Variants in RGS3 observed in about 807,000 individuals in gnomAD.
The protein encoded by RGS3 is regulator of G-protein signalling 3.
RGS3 carries 80 observed loss-of-function variants against 132.6 expected under a neutral mutation model. The ratio of observed to expected loss-of-function variants is 0.60; its 90% CI spans 0.50 to 0.73. RGS3 has a LOEUF of 0.73. RGS3 is among the 30% of genes least tolerant of loss of function. The pLI, the probability that RGS3 is intolerant of heterozygous loss-of-function variation, is 0.00. For synonymous variants in RGS3, 598 were observed against 620.6 expected, an observed-to-expected ratio of 0.96 and a Z score of 0.54; for missense variants, 1,382 against 1,530.8, an observed-to-expected ratio of 0.90 and a Z score of 1.62.
At chr9:113,541,245 A>G in intron 19 of RGS3, 2 of 1,498,912 alleles carry the variant, frequency 1.3e-6, no homozygotes, top group Non-Finnish European at 9.1e-7. Flanking sequence ...AGAAAGGAAC[A>G]GAGGCAGGTC....
In RGS3 at chr9:113,463,958, G is replaced by T; in HGVS notation, c.415+1757G>T. The T allele has an allele frequency of 6.7e-7, 1 of 1,485,718 alleles. No homozygotes were observed. The highest frequency in any genetic ancestry group is 9.3e-7 in the Non-Finnish European group (1 of 1,080,442). The allele number at this position is 1,485,718 out of a possible 1,614,324, so 92.0% of individuals were successfully genotyped here. ...GCCCAGAAACGCAGCCCCTCGTGGT[G>T]ACAGGGGAGGCTGGGAGCAGGTGCT... is the stretch of plus-strand genomic sequence containing the variant. On this transcript the variant is annotated intron_variant, in intron 3 of 24. Transcript: ENST00000350696. This position sits in a 1 kb window ranked among gnomAD's most constrained non-coding sequence, Gnocchi z 4.6.
intron 17 of RGS3, among the ~76,000 whole-genome samples, chr9:113,524,617 G>A (rs1277225948): frequency 6.6e-6 from 1 of 152,212 alleles, no homozygotes; most frequent in Non-Finnish European, 1.5e-5. Context: ...TGGGATCTGG[G>A]CGTGGTACTG....
intron 1 of RGS3, among the ~76,000 whole-genome samples, chr9:113,460,877 C>T (rs1829454838): frequency 1.3e-5 from 2 of 152,152 alleles, no homozygotes; most frequent in South Asian, 4.1e-4. Flanking sequence ...CCTTATTATT[C>T]CAGATATAGT....
chr9:113,449,676 G>T (rs1829195474), intron 1 of RGS3, among the ~76,000 whole-genome samples: 1 of 152,188 alleles, frequency 6.6e-6, no homozygotes, highest in African/African-American at 2.4e-5. Flanking sequence ...GGTTATTCAT[G>T]ATTTATGTCT....
intron 10 of RGS3, among the ~76,000 whole-genome samples, chr9:113,501,058 G>A (rs1265950081): frequency 6.6e-6 from 1 of 152,168 alleles, no homozygotes; most frequent in Non-Finnish European, 1.5e-5. Flanking sequence ...TATGTTCCCT[G>A]TCATGAGATG....
intron 17 of RGS3, among the ~76,000 whole-genome samples, chr9:113,527,839 T>C (rs1485136161): frequency 3.9e-5 from 6 of 152,164 alleles, no homozygotes; most frequent in African/African-American, 1.2e-4. Flanking sequence ...TTACTTCAAG[T>C]ATGTGTTAAG....
At chr9:113,489,040 A>T (rs1830425906) in intron 7 of RGS3, among the ~76,000 whole-genome samples, 1 of 152,244 alleles carries the variant, frequency 6.6e-6, no homozygotes, top group South Asian at 2.1e-4. Context: ...TCTCTGTGCC[A>T]AGCACTTTAC....
intron 19 of RGS3, chr9:113,541,184 A>T: frequency 2.4e-6 from 2 of 848,016 alleles, no homozygotes; most frequent in Non-Finnish European, 3.7e-6. Flanking sequence ...TGTCATCTCC[A>T]CTGGGGCCAC....
chr9:113,570,194 A>T (rs1834225028), intron 19 of RGS3: 1 of 152,208 alleles, frequency 6.6e-6, no homozygotes, highest in African/African-American at 2.4e-5. Flanking sequence ...GACATGTTTC[A>T]TGTGAATGGA....
At chr9:113,559,001 C>T (rs996318561) in intron 19 of RGS3, among the ~76,000 whole-genome samples, 4 of 152,196 alleles carry the variant, frequency 2.6e-5, no homozygotes, top group African/African-American at 9.7e-5. Flanking sequence ...GGGGGATTGG[C>T]CTTGCCCCAG....
At chr9:113,454,257 T>C (rs866268695) in intron 1 of RGS3, among the ~76,000 whole-genome samples, 4 of 152,180 alleles carry the variant, frequency 2.6e-5, no homozygotes, top group Non-Finnish European at 2.9e-5. Flanking sequence ...TTCTAGATAT[T>C]TTTATATTCT....
At chr9:113,597,068 G>C in exon 25 of RGS3, 1 of 849,006 alleles carries the variant, frequency 1.2e-6, no homozygotes, top group Non-Finnish European at 1.8e-6. Flanking sequence ...CTGTGTCTCT[G>C]GACAGACGGA....
At chr9:113,546,215 G>A (rs1187332060) in intron 19 of RGS3, among the ~76,000 whole-genome samples, 4 of 152,152 alleles carry the variant, frequency 2.6e-5, no homozygotes, top group Non-Finnish European at 5.9e-5. Context: ...TCTGCCTGAC[G>A]TTGACTGCCC....
intron 23 of RGS3, chr9:113,595,185 A>G (rs1403235273): frequency 1.7e-6 from 1 of 602,698 alleles, no homozygotes; most frequent in South Asian, 2.0e-5. Flanking sequence ...CTCCCCGTCC[A>G]TGTGAGCTGG....
chr9:113,512,088 T>A (rs141271116), intron 14 of RGS3, among the ~76,000 whole-genome samples: 175 of 152,280 alleles, frequency 1.1e-3, no homozygotes, highest in Non-Finnish European at 2.4e-3. Context: ...GAGGCAGCAA[T>A]CAGTATTATC....
intron 14 of RGS3, among the ~76,000 whole-genome samples, chr9:113,511,571 T>C (rs1831403939): frequency 6.6e-6 from 1 of 152,134 alleles, no homozygotes; most frequent in East Asian, 1.9e-4. Context: ...AGACCTCAGT[T>C]TCCTTGTCTA....
At chr9:113,462,006 A>AT in intron 2 of RGS3, 1 of 1,612,000 alleles carries the variant, frequency 6.2e-7, no homozygotes, top group South Asian at 1.1e-5. Context: ...TCATGCTCCC[A>AT]TCTTGCTCCT....
At chr9:113,541,444 G>T in intron 19 of RGS3, 2 of 1,611,428 alleles carry the variant, frequency 1.2e-6, no homozygotes, top group South Asian at 2.2e-5. Context: ...CCAAGGGCGG[G>T]ACTCTGCTTC....
chr9:113,558,507 GA>G (rs200457229), intron 19 of RGS3, among the ~76,000 whole-genome samples: 46 of 148,520 alleles, frequency 3.1e-4, no homozygotes, highest in African/African-American at 6.9e-4. Context: ...CCTTCCTAAA[GA>G]AAAAAAAAAG....
Sources: allele counts gnomAD v4.1 joint callset (sites outside exome capture counted in the v4.1 genomes callset), GRCh38; gene constraint gnomAD v4.1.1; non-coding constraint Gnocchi (gnomAD v3.1); transcripts MANE v1.5; gene names NCBI Gene and HGNC (gene_info 2026-07-23, HGNC 2026-07-21).